The following TBCD variants were observed in gnomAD, a reference collection of about 807,000 sequenced individuals.
TBCD encodes the protein tubulin folding cofactor D.
TBCD carries 105 observed loss-of-function variants against 169.3 expected under a neutral mutation model. The ratio of observed to expected loss-of-function variants is 0.62; its 90% CI spans 0.53 to 0.73. The LOEUF (loss-of-function observed/expected upper bound fraction) is 0.73. TBCD is among the 30% of genes least tolerant of loss of function. TBCD has a pLI of 0.00. For synonymous variants in TBCD, 700 were observed against 643.9 expected (o/e 1.09, Z -1.32); for missense variants, 1,444 against 1,600.1 (o/e 0.90, Z 1.66).
chr17:82,907,256 T>C (rs2060315296), intron 20 of TBCD, among the ~76,000 whole-genome samples: 1 of 152,228 alleles, frequency 6.6e-6, no homozygotes, highest in South Asian at 2.1e-4. Context: ...CCCTTGGATG[T>C]CAGTGGACAT....
At position 82,818,483 on chromosome 17, in the gene TBCD, GGAGCCA is replaced by G. The variant is rs1298890674; in HGVS notation, c.1318+3550_1318+3555del. ...TCTTGTTTATATAAAGCTATAGTTG[GGAGCCA>G]CGTGTGGTGGCGGTGCCTTTAATCC... On this transcript the variant is annotated intron_variant, in intron 13 of 38. Transcript: ENST00000355528. Among the ~76,000 whole-genome samples the G allele has an allele frequency of 2.0e-5, 3 of 152,154 alleles. No individual in the cohort carries two copies. In the East Asian group the frequency reaches 5.8e-4, roughly 29 times the overall value.
chr17:82,887,173 GCGCGCGCA>G (rs757568685), intron 15 of TBCD, among the ~76,000 whole-genome samples: 713 of 66,956 alleles, frequency 0.011, 3 homozygotes, highest in South Asian at 0.037. Flanking sequence ...GTGTGTGCGC[GCGCGCGCA>G]CGTGCGCTCA....
chr17:82,817,917 G>A (rs2052060901), intron 13 of TBCD, among the ~76,000 whole-genome samples: 2 of 152,132 alleles, frequency 1.3e-5, no homozygotes, highest in South Asian at 2.1e-4. Flanking sequence ...TAAGTGACTC[G>A]TAATGTTTAT....
rs140168140 is a variant in TBCD, at chr17:82,871,062, A to G, written c.1475+682A>G. 2.0e-3 allele frequency among the ~76,000 whole-genome samples: 307 copies of G among 152,220 alleles called. 2 individuals are homozygous for G. Among genetic ancestry groups the G allele is most frequent in the African/African-American group, 7.2e-3 (298 of 41,524 alleles). ...TTCCCTCTGGCTTCCTGATGAGAAA[A>G]CTGAAGCCAGCAGGTTTCATGGGAT... On this transcript the variant is annotated intron_variant, in intron 14 of 38. Transcript: ENST00000355528.
intron 23 of TBCD, among the ~76,000 whole-genome samples, chr17:82,917,887 C>T (rs1358989577): frequency 2.0e-5 from 3 of 151,994 alleles, no homozygotes; most frequent in Admixed American, 1.3e-4. Flanking sequence ...AGTTGGCCCC[C>T]GCCGCTCTGT....
intron 13 of TBCD, among the ~76,000 whole-genome samples, chr17:82,824,649 C>A (rs2052687584): frequency 6.6e-6 from 1 of 152,166 alleles, no homozygotes; most frequent in Non-Finnish European, 1.5e-5. Context: ...TGCACCACCG[C>A]CCCTGGCCAT....
intron 14 of TBCD, 49 bp downstream of exon 14, chr17:82,870,429 C>T (rs768681343): frequency 1.0e-5 from 16 of 1,581,120 alleles, no homozygotes; most frequent in African/African-American, 5.4e-5. Flanking sequence ...CCCCTGACGG[C>T]GCCGTGTGTC....
At chr17:82,882,511 G>A (rs1328154203) in intron 14 of TBCD, among the ~76,000 whole-genome samples, 3 of 152,182 alleles carry the variant, frequency 2.0e-5, no homozygotes, top group Non-Finnish European at 2.9e-5. Flanking sequence ...CAGCATCCCC[G>A]AGCCCATGCC....
chr17:82,791,130 T>G (rs1017475329), intron 7 of TBCD, among the ~76,000 whole-genome samples: 1 of 150,070 alleles, frequency 6.7e-6, no homozygotes, highest in Non-Finnish European at 1.5e-5. Context: ...CTCGCTCTGT[T>G]GCCCTGGCTG....
rs576093761 is a variant in TBCD at position 82,915,109 on chromosome 17, C to T, written c.2038+3320C>T. ...CCAAGCTCTTGTCGGGGTGAGAAATCTGCGGGTTCACGGGCTACATGTGGG... is the reference window on the plus strand; with the variant it reads ...CCAAGCTCTTGTCGGGGTGAGAAATTTGCGGGTTCACGGGCTACATGTGGG... On this transcript the variant is annotated intron_variant, in intron 23 of 38. Coordinates refer to ENST00000355528, the MANE Select transcript of TBCD (RefSeq NM_005993.5). This position sits in a 1 kb window ranked among gnomAD's most constrained non-coding sequence, Gnocchi z 4.3. Among the ~76,000 whole-genome samples, 30 of 152,242 alleles carry T rather than the reference C, an allele frequency of 2.0e-4. 1 individual carries two copies. The South Asian group carries it at 2.1e-3, about 11-fold the overall frequency.
chr17:82,829,228 C>T (rs1423149547), intron 13 of TBCD, among the ~76,000 whole-genome samples: 4 of 151,896 alleles, frequency 2.6e-5, no homozygotes, highest in Admixed American at 2.6e-4. Flanking sequence ...ATCAAATGTG[C>T]ACGTGCATCT....
intron 6 of TBCD, among the ~76,000 whole-genome samples, chr17:82,778,388 T>C (rs1267797096): frequency 6.6e-6 from 1 of 152,170 alleles, no homozygotes; most frequent in African/African-American, 2.4e-5. Context: ...GCGATGAAGT[T>C]AACTGCCCTG....
At chr17:82,811,958 T>G (rs2051471690) in intron 12 of TBCD, among the ~76,000 whole-genome samples, 1 of 152,190 alleles carries the variant, frequency 6.6e-6, no homozygotes, top group African/African-American at 2.4e-5. Flanking sequence ...GGCTGGGTTA[T>G]GCAGTGAGTG....
rs963538142 is a variant in TBCD, at chr17:82,889,240, G to A, written c.1534-428G>A. On this transcript the variant is annotated intron_variant, in intron 15 of 38. Coordinates refer to ENST00000355528, the MANE Select transcript of TBCD (RefSeq NM_005993.5). The surrounding 1 kb of genome is among the most constrained non-coding windows in gnomAD (Gnocchi z 5.3). ...TCGGCCTGGAGAGCCTATTGACACC[G>A]TGCCATGGGTGCGGGCAGGGCGCCC... is the stretch of plus-strand genomic sequence containing the variant. Among the ~76,000 whole-genome samples the A allele has an allele frequency of 9.9e-5, 15 of 152,120 alleles. No homozygotes were observed. The highest frequency in any genetic ancestry group is 2.1e-4 in the Non-Finnish European group (14 of 67,996).
chr17:82,940,185 C>CCATGCTGGCTCACACA (rs2062993618), intron 37 of TBCD, among the ~76,000 whole-genome samples: 1 of 142,664 alleles, frequency 7.0e-6, no homozygotes, highest in African/African-American at 2.5e-5. Context: ...GCATGGGCAC[C>CCATGCTGGCTCACACA]CATGCTGGCT....
chr17:82,840,962 T>TTTG (rs2054458324), intron 13 of TBCD, among the ~76,000 whole-genome samples: 2 of 130,460 alleles, frequency 1.5e-5, no homozygotes, highest in African/African-American at 6.0e-5. Context: ...TGGTTTTTTT[T>TTTG]TTTTTTTTTT....
chr17:82,758,127 G>T (rs1312122662), intron 2 of TBCD, among the ~76,000 whole-genome samples: 1 of 151,890 alleles, frequency 6.6e-6, no homozygotes. Context: ...GGTGGCTTAT[G>T]CCTGTAATCC....
chr17:82,899,229 C>T (rs973089802), intron 17 of TBCD, among the ~76,000 whole-genome samples: 7 of 147,470 alleles, frequency 4.7e-5, no homozygotes, highest in African/African-American at 1.7e-4. Flanking sequence ...CATGTGTCCT[C>T]AGCGCATGTC....
chr17:82,920,730 C>G lies in TBCD; in HGVS notation c.2101+112C>G. ...GATAAACGATTATAGCTTAAAGGTT[C>G]AAGATATTAATCGGATACGTTGCCT... On this transcript the variant is annotated intron_variant, in intron 24 of 38. Transcript: ENST00000355528. This position sits in a 1 kb window ranked among gnomAD's most constrained non-coding sequence, Gnocchi z 4.1. 3.1e-6 allele frequency: 3 copies of G among 983,526 alleles called. No homozygotes were observed. Among genetic ancestry groups the G allele is most frequent in the Non-Finnish European group, 4.5e-6 (3 of 664,578 alleles). The allele number at this position is 983,526 out of a possible 1,614,324, so 60.9% of individuals were successfully genotyped here.
Sources: allele counts gnomAD v4.1 joint callset (sites outside exome capture counted in the v4.1 genomes callset), GRCh38; gene constraint gnomAD v4.1.1; non-coding constraint Gnocchi (gnomAD v3.1); transcripts MANE v1.5; gene names NCBI Gene and HGNC (gene_info 2026-07-23, HGNC 2026-07-21).